The following PAK3 variants were observed in gnomAD, a reference collection of about 807,000 sequenced individuals.
The protein encoded by PAK3 is p21 (RAC1) activated kinase 3.
PAK3 carries 4 observed loss-of-function variants against 41.0 expected under a neutral mutation model. That is an observed-to-expected ratio of 0.10 (90% CI 0.05 to 0.22). PAK3 has a LOEUF of 0.22. PAK3 is among the 10% of genes least tolerant of loss of function. The probability of loss-of-function intolerance (pLI) is 1.00; values close to 1 mark genes in which losing one functional copy is unlikely to be tolerated. For synonymous variants in PAK3, 146 were observed against 139.6 expected (o/e 1.05, Z -0.32); for missense variants, 205 against 409.9 (o/e 0.50, Z 4.32).
intron 4 of PAK3, 148 bp from the exon 5 acceptor site, chrX:111,122,929 A>T: frequency 4.2e-6 from 2 of 480,917 alleles, no homozygotes; most frequent in Non-Finnish European, 7.4e-6. Flanking sequence ...TTCCCTCCAG[A>T]AGAGAAACCC....
At chrX:111,140,659 C>CA (rs2093857617) in intron 5 of PAK3, among the ~76,000 whole-genome samples, 1 of 111,227 alleles carries the variant, frequency 9.0e-6, no homozygotes, top group Non-Finnish European at 1.9e-5. Context: ...TGTATTTTTT[C>CA]AAAATGAATC....
chrX:111,191,606 C>G (rs2094561256), intron 11 of PAK3, among the ~76,000 whole-genome samples: 1 of 111,802 alleles, frequency 8.9e-6, no homozygotes. Context: ...ATGAAAAGAA[C>G]CACTCGGTTT....
At chrX:111,109,338 G>T (rs1257558049) in intron 4 of PAK3, among the ~76,000 whole-genome samples, 1 of 112,089 alleles carries the variant, frequency 8.9e-6, no homozygotes, top group African/African-American at 3.2e-5. Context: ...TGACATAACA[G>T]AGAAACAGTA....
chrX:111,050,168 C>A (rs752098831), intron 1 of PAK3, among the ~76,000 whole-genome samples: 2 of 111,369 alleles, frequency 1.8e-5, no homozygotes, highest in South Asian at 7.7e-4. Flanking sequence ...CCCCACAGTT[C>A]ACTCCCTCTC....
At position 111,226,478 on chromosome X, in the gene PAK3, A is replaced by C. The variant is rs889227858; in HGVS notation, c.*6031A>C. The C allele has an allele frequency of 8.0e-5, 9 of 112,274 alleles. No individual in the cohort carries two copies. Among genetic ancestry groups the C allele is most frequent in the Non-Finnish European group, 1.5e-4 (8 of 53,310 alleles). 9.3% of individuals were successfully genotyped at this position (112,274 alleles called of 1,213,427 possible). ...CTGGGCTTTCTAGAGTTTAATTCTCAAGTGGCACAAGATAGCAGAGCCCAT... is the reference window on the plus strand; with the variant it reads ...CTGGGCTTTCTAGAGTTTAATTCTCCAGTGGCACAAGATAGCAGAGCCCAT... On this transcript the variant is annotated 3_prime_UTR_variant, in exon 18 of 18. Coordinates refer to ENST00000372007, the MANE Select transcript of PAK3 (RefSeq NM_002578.5).
intron 1 of PAK3, among the ~76,000 whole-genome samples, chrX:110,982,733 G>A (rs915168638): frequency 2.7e-5 from 3 of 111,095 alleles, no homozygotes; most frequent in Non-Finnish European, 5.7e-5. Context: ...CTGTCAATAC[G>A]GGCAGATGAA....
At chrX:111,051,971 A>G (rs1322858799) in intron 1 of PAK3, among the ~76,000 whole-genome samples, 1 of 112,113 alleles carries the variant, frequency 8.9e-6, no homozygotes, top group Non-Finnish European at 1.9e-5. Context: ...ATAATCTCCA[A>G]GGTCATTGTA....
At chrX:111,076,070 G>T (rs1185490687) in intron 1 of PAK3, among the ~76,000 whole-genome samples, 1 of 111,640 alleles carries the variant, frequency 9.0e-6, no homozygotes, top group Non-Finnish European at 1.9e-5. Context: ...TGAATAAGTT[G>T]TTTTTTTTAT....
intron 7 of PAK3, among the ~76,000 whole-genome samples, chrX:111,150,847 T>C (rs2094016724): frequency 8.9e-6 from 1 of 112,011 alleles, no homozygotes; most frequent in Admixed American, 9.5e-5. Context: ...TATTAACTTA[T>C]TAACATCTAA....
intron 1 of PAK3, among the ~76,000 whole-genome samples, chrX:110,974,675 C>T (rs889754528): frequency 1.8e-5 from 2 of 111,687 alleles, no homozygotes; most frequent in African/African-American, 6.5e-5. Flanking sequence ...AATTGTAGAC[C>T]AATATCCCTG....
At chrX:111,093,218 T>A (rs2092943554), upstream of PAK3, among the ~76,000 whole-genome samples, 2 of 111,739 alleles carry the variant, frequency 1.8e-5, no homozygotes, top group Admixed American at 9.5e-5. Flanking sequence ...ACCATCTCTG[T>A]GAAGCACTGG....
chrX:110,974,769 A>T (rs1227268588), intron 1 of PAK3, among the ~76,000 whole-genome samples: 2 of 111,964 alleles, frequency 1.8e-5, no homozygotes, highest in African/African-American at 6.5e-5. Context: ...ACCACGATCA[A>T]GTTGGCTTCA....
chrX:111,054,291 A>G (rs2092585374), intron 1 of PAK3, among the ~76,000 whole-genome samples: 1 of 112,430 alleles, frequency 8.9e-6, no homozygotes, highest in Non-Finnish European at 1.9e-5. Flanking sequence ...ATCTCACCAT[A>G]TGCCCAGTGA....
At chrX:111,181,619 A>T (rs905470079) in intron 11 of PAK3, among the ~76,000 whole-genome samples, 3 of 111,769 alleles carry the variant, frequency 2.7e-5, no homozygotes, top group Non-Finnish European at 5.6e-5. Context: ...CATATTGAAG[A>T]TGAATAGCTT....
At chrX:111,069,525 A>G (rs1216185848) in intron 1 of PAK3, among the ~76,000 whole-genome samples, 1 of 111,314 alleles carries the variant, frequency 9.0e-6, no homozygotes, top group Non-Finnish European at 1.9e-5. Context: ...CAAGATACAA[A>G]CAATACAAAA....
intron 1 of PAK3, among the ~76,000 whole-genome samples, chrX:111,002,518 TG>T: frequency 9.0e-6 from 1 of 111,679 alleles, no homozygotes; most frequent in South Asian, 3.8e-4. Context: ...CCGAAGCATG[TG>T]GGGCAGCTGG....
chrX:111,131,971 C>A lies in PAK3; in HGVS notation c.175+8693C>A, dbSNP rs764659873. Among the ~76,000 whole-genome samples the A allele has an allele frequency of 2.7e-4, 30 of 110,750 alleles. No homozygotes were observed. The Admixed American group carries it at 2.8e-3, about 10-fold the overall frequency. On this transcript the variant is annotated intron_variant, in intron 5 of 17. Coordinates refer to ENST00000372007, the MANE Select transcript of PAK3 (RefSeq NM_002578.5). Reference sequence around the variant, plus strand: ...GTGACCCACAAATCAGAGGATGAAGCAAAATGGCATTTTTTTTTAATAAAA... The same window carrying A: ...GTGACCCACAAATCAGAGGATGAAGAAAAATGGCATTTTTTTTTAATAAAA...
intron 1 of PAK3, among the ~76,000 whole-genome samples, chrX:111,069,094 G>A (rs889535920): frequency 8.9e-6 from 1 of 112,003 alleles, no homozygotes; most frequent in Non-Finnish European, 1.9e-5. Flanking sequence ...ATTTAAGGAT[G>A]TGAGAAATGA....
chrX:111,056,375 G>A (rs16986334), intron 1 of PAK3, among the ~76,000 whole-genome samples: 1 of 111,447 alleles, frequency 9.0e-6, no homozygotes, highest in South Asian at 3.8e-4. Flanking sequence ...CCAAGTTTTG[G>A]TCTGCCACAT....
Sources: gnomAD v4.1 joint callset for allele counts (sites outside exome capture counted in the v4.1 genomes callset) on GRCh38, gnomAD v4.1.1 for gene constraint, MANE v1.5 for transcripts, NCBI Gene and HGNC (gene_info 2026-07-23, HGNC 2026-07-21) for gene names.